SEMA5A: variants seen among roughly 807,000 people sequenced by gnomAD.
SEMA5A encodes semaphorin 5A, also known as semaphorin-5A.
SEMA5A carries 55 observed loss-of-function variants against 135.5 expected under a neutral mutation model. That is an observed-to-expected ratio of 0.41 (90% CI 0.33 to 0.51). The LOEUF (loss-of-function observed/expected upper bound fraction) is 0.51. SEMA5A is among the 20% of genes least tolerant of loss of function. SEMA5A has a pLI of 0.37. For synonymous variants in SEMA5A, 580 were observed against 546.5 expected (o/e 1.06, Z -0.85); for missense variants, 1,290 against 1,419.9 (o/e 0.91, Z 1.47).
chr5:9,345,454 A>T (rs1362117948), intron 3 of SEMA5A, among the ~76,000 whole-genome samples: 1 of 151,128 alleles, frequency 6.6e-6, no homozygotes, highest in East Asian at 1.9e-4. Flanking sequence ...CTACAATTTC[A>T]CAGATTGGTG....
intron 1 of SEMA5A, among the ~76,000 whole-genome samples, chr5:9,447,558 C>G (rs1318063338): frequency 1.3e-5 from 2 of 152,178 alleles, no homozygotes; most frequent in South Asian, 2.1e-4. Flanking sequence ...ATGCAGGCAA[C>G]TTGCTCAGGA....
rs988178790 is a variant in SEMA5A at position 9,041,780 on chromosome 5, C to T, written c.*1117G>A. ...ACTGGGGGTAGCACTTCGTGTGGAC[C>T]TGGCAGACTCCAGAAAGCCAGCTTT... is the stretch of plus-strand genomic sequence containing the variant. On this transcript the variant is annotated 3_prime_UTR_variant, in exon 23 of 23. Transcript: ENST00000382496. 3.3e-5 allele frequency: 5 copies of T among 152,612 alleles called. No homozygotes were observed. The highest frequency in any genetic ancestry group is 7.3e-5 in the Non-Finnish European group (5 of 68,048). 9.5% of individuals were successfully genotyped at this position (152,612 alleles called of 1,614,324 possible).
intron 11 of SEMA5A, among the ~76,000 whole-genome samples, chr5:9,168,180 G>T (rs1459743697): frequency 6.6e-6 from 1 of 152,068 alleles, no homozygotes; most frequent in African/African-American, 2.4e-5. Flanking sequence ...ACAGCAGAGT[G>T]GTTCCCAAGC....
intron 5 of SEMA5A, among the ~76,000 whole-genome samples, chr5:9,268,422 AAC>A (rs1749792626): frequency 6.6e-6 from 1 of 152,174 alleles, no homozygotes; most frequent in South Asian, 2.1e-4. Context: ...CACTGAGGAA[AAC>A]ACAGAAAACG....
chr5:9,058,845 C>G (rs536995681), intron 18 of SEMA5A, among the ~76,000 whole-genome samples: 13 of 152,312 alleles, frequency 8.5e-5, no homozygotes, highest in Non-Finnish European at 1.8e-4. Flanking sequence ...GACAGCTGTG[C>G]TCTCTGCTCC....
intron 3 of SEMA5A, among the ~76,000 whole-genome samples, chr5:9,340,481 G>T (rs760974247): frequency 7.9e-5 from 12 of 152,196 alleles, no homozygotes; most frequent in Non-Finnish European, 1.8e-4. Flanking sequence ...AGACTTGGAA[G>T]AAAGTGGCCA....
At chr5:9,477,697 T>A (rs568710904) in intron 1 of SEMA5A, among the ~76,000 whole-genome samples, 13 of 152,318 alleles carry the variant, frequency 8.5e-5, no homozygotes, top group South Asian at 6.2e-4. Context: ...TTACTCAAGA[T>A]GTGACCTGGG....
chr5:9,223,418 C>T (rs536777484), intron 8 of SEMA5A, among the ~76,000 whole-genome samples: 34 of 152,216 alleles, frequency 2.2e-4, no homozygotes, highest in Middle Eastern at 6.8e-3. Flanking sequence ...GTTAATTCCC[C>T]CCTCCCAGGG....
chr5:9,264,550 A>T (rs1749579421), intron 5 of SEMA5A, among the ~76,000 whole-genome samples: 1 of 152,216 alleles, frequency 6.6e-6, no homozygotes, highest in African/African-American at 2.4e-5. Flanking sequence ...ATGTCAGCTG[A>T]ACCACTTGAG....
intron 5 of SEMA5A, among the ~76,000 whole-genome samples, chr5:9,303,814 T>C (rs1751731108): frequency 6.6e-6 from 1 of 152,168 alleles, no homozygotes; most frequent in South Asian, 2.1e-4. Context: ...CCTTGAAAAC[T>C]ATAAGTTTAA....
intron 2 of SEMA5A, among the ~76,000 whole-genome samples, chr5:9,421,256 C>T (rs1248331827): frequency 6.6e-6 from 1 of 152,138 alleles, no homozygotes; most frequent in Admixed American, 6.6e-5. Flanking sequence ...TTGAGATTTT[C>T]TCATAATATC....
chr5:9,169,920 C>T (rs1352433290), intron 11 of SEMA5A, among the ~76,000 whole-genome samples: 2 of 152,238 alleles, frequency 1.3e-5, no homozygotes, highest in South Asian at 2.1e-4. Flanking sequence ...CTTAGCTGCT[C>T]TTGCTACAAA....
At chr5:9,461,597 G>T (rs943261208) in intron 1 of SEMA5A, among the ~76,000 whole-genome samples, 2 of 152,034 alleles carry the variant, frequency 1.3e-5, no homozygotes, top group African/African-American at 4.8e-5. Flanking sequence ...TCAAATGTGG[G>T]GTCAGGAACA....
At chr5:9,379,522 T>C (rs777637184) in intron 3 of SEMA5A, among the ~76,000 whole-genome samples, 6 of 152,202 alleles carry the variant, frequency 3.9e-5, no homozygotes, top group Non-Finnish European at 7.3e-5. Flanking sequence ...GTCACATTTT[T>C]ATCCTTTGGT....
intron 5 of SEMA5A, among the ~76,000 whole-genome samples, chr5:9,281,835 T>A (rs1396522305): frequency 6.6e-6 from 1 of 150,712 alleles, no homozygotes; most frequent in Non-Finnish European, 1.5e-5. Context: ...TTTTTTTTTT[T>A]TTTTTTTGAG....
intron 11 of SEMA5A, among the ~76,000 whole-genome samples, chr5:9,167,559 G>C (rs1743682260): frequency 1.3e-5 from 2 of 152,092 alleles, no homozygotes; most frequent in South Asian, 4.1e-4. Flanking sequence ...GGACTTTCTA[G>C]ATCTGCATGC....
chr5:9,277,417 A>C (rs1021875689), intron 5 of SEMA5A, among the ~76,000 whole-genome samples: 5 of 152,188 alleles, frequency 3.3e-5, no homozygotes, highest in African/African-American at 1.2e-4. Context: ...CAATTCCTGA[A>C]GGATCTAGAA....
chr5:9,202,370 G>GTTTAATGATAC, intron 8 of SEMA5A, 130 bp from the exon 9 acceptor site: 8 of 776,846 alleles, frequency 1.0e-5, no homozygotes, highest in South Asian at 9.6e-5. Flanking sequence ...TAGGACTATT[G>GTTTAATGATAC]GGAGGCCCCG....
intron 5 of SEMA5A, among the ~76,000 whole-genome samples, chr5:9,250,003 T>A (rs1748689891): frequency 6.6e-6 from 1 of 152,162 alleles, no homozygotes; most frequent in South Asian, 2.1e-4. Flanking sequence ...GATTTATTTT[T>A]CATGAGTTGA....
Sources: gnomAD v4.1 joint callset for allele counts (sites outside exome capture counted in the v4.1 genomes callset) on GRCh38, gnomAD v4.1.1 for gene constraint, MANE v1.5 for transcripts, NCBI Gene and HGNC (gene_info 2026-07-23, HGNC 2026-07-21) for gene names.